RANBP2: variants seen among roughly 807,000 people sequenced by gnomAD.
RANBP2 encodes the protein E3 SUMO-protein ligase RanBP2.
A neutral mutation model predicts 303.6 loss-of-function variants in RANBP2; 57 were observed. The observed-to-expected ratio is 0.19, with a 90% CI of 0.15 to 0.23. RANBP2 has a LOEUF of 0.23. RANBP2 is among the 10% of genes least tolerant of loss of function. The pLI is 1.00. For synonymous variants in RANBP2, 1,167 were observed against 1,301.5 expected (o/e 0.90, Z 2.23); for missense variants, 3,138 against 3,780.8 (o/e 0.83, Z 4.46).
chr2:109,433,873 T>A, the RANBP2 span, among the ~76,000 whole-genome samples: 3 of 152,190 alleles, frequency 2.0e-5, no homozygotes, highest in African/African-American at 7.2e-5. Flanking sequence ...CAGAGGGGCT[T>A]CAGGAAATGC....
the RANBP2 span, among the ~76,000 whole-genome samples, chr2:109,499,877 T>TCCAG: frequency 1.1e-4 from 16 of 152,196 alleles, 1 homozygote; most frequent in South Asian, 3.3e-3. Flanking sequence ...GGGAATAGGG[T>TCCAG]CCAGGCTGAG....
At chr2:109,368,328 C>T in the RANBP2 span, among the ~76,000 whole-genome samples, 8 of 152,316 alleles carry the variant, frequency 5.3e-5, no homozygotes, top group East Asian at 1.9e-4. Flanking sequence ...CCTTGAAATA[C>T]ATTCCCCAGT....
chr2:109,719,405 A>G, the RANBP2 span, among the ~76,000 whole-genome samples: 8 of 94,858 alleles, frequency 8.4e-5, no homozygotes, highest in Non-Finnish European at 6.1e-5. Flanking sequence ...TGGCTGTGAT[A>G]TATCTTTTTT....
the RANBP2 span, chr2:108,846,759 T>C: frequency 6.2e-7 from 1 of 1,611,104 alleles, no homozygotes; most frequent in Non-Finnish European, 8.5e-7. Context: ...GACATCAACA[T>C]TGAGGAGATT....
the RANBP2 span, among the ~76,000 whole-genome samples, chr2:109,056,815 T>C: frequency 6.6e-6 from 1 of 152,216 alleles, no homozygotes; most frequent in African/African-American, 2.4e-5. Flanking sequence ...AGATAGCCCT[T>C]GGAAGCACTG....
the RANBP2 span, among the ~76,000 whole-genome samples, chr2:109,621,787 C>T: frequency 2.6e-4 from 39 of 152,150 alleles, no homozygotes; most frequent in South Asian, 7.7e-3. Context: ...GTGGTGGGCA[C>T]ATGTAATCCC....
chr2:109,249,565 TTCCTTCCTTCCTTCCTTC>T, the RANBP2 span, among the ~76,000 whole-genome samples: 14 of 139,172 alleles, frequency 1.0e-4, no homozygotes, highest in East Asian at 4.1e-4. Context: ...CCTTCCTTCC[TTCCTTCCTTCCTTCCTTC>T]CTTTCCTTTC....
At chr2:108,912,686 G>A in the RANBP2 span, 11 of 1,593,276 alleles carry the variant, frequency 6.9e-6, no homozygotes, top group Non-Finnish European at 9.4e-6. Flanking sequence ...ACCTTTGTGG[G>A]CGTGCTGGAA....
chr2:109,473,341 A>T, the RANBP2 span, among the ~76,000 whole-genome samples: 1 of 152,182 alleles, frequency 6.6e-6, no homozygotes, highest in African/African-American at 2.4e-5. Flanking sequence ...GTGGCTGGTT[A>T]CCAAGCACAA....
chr2:109,344,441 G>A, the RANBP2 span, among the ~76,000 whole-genome samples: 2 of 152,230 alleles, frequency 1.3e-5, no homozygotes, highest in Non-Finnish European at 2.9e-5. Context: ...TGAGGATGCT[G>A]TCTGCCGTGG....
the RANBP2 span, among the ~76,000 whole-genome samples, chr2:109,356,329 C>T: frequency 6.6e-6 from 1 of 152,132 alleles, no homozygotes; most frequent in African/African-American, 2.4e-5. Flanking sequence ...ATATTTGAGC[C>T]AGAAGAGATG....
At chr2:108,974,613 C>T in the RANBP2 span, among the ~76,000 whole-genome samples, 1 of 151,872 alleles carries the variant, frequency 6.6e-6, no homozygotes, top group Admixed American at 6.6e-5. Flanking sequence ...GCCTGTAATC[C>T]CAGCTACTTG....
At chr2:109,250,448 A>G in the RANBP2 span, among the ~76,000 whole-genome samples, 2 of 152,052 alleles carry the variant, frequency 1.3e-5, no homozygotes, top group South Asian at 2.1e-4. Context: ...AAATTTTGAT[A>G]TACTCGGAAA....
chr2:109,365,291 C>T, the RANBP2 span, among the ~76,000 whole-genome samples: 1 of 152,192 alleles, frequency 6.6e-6, no homozygotes, highest in Non-Finnish European at 1.5e-5. Flanking sequence ...AGTGACTGGG[C>T]CCCTGCAGTT....
the RANBP2 span, among the ~76,000 whole-genome samples, chr2:109,508,450 C>G: frequency 6.6e-6 from 1 of 152,138 alleles, no homozygotes. Flanking sequence ...GCCCTGGAAC[C>G]CCATGGCACT....
chr2:109,694,468 A>G, the RANBP2 span, among the ~76,000 whole-genome samples: 1 of 150,700 alleles, frequency 6.6e-6, no homozygotes, highest in Non-Finnish European at 1.5e-5. Context: ...CAGTGGCACA[A>G]TCTCGGCTCA....
chr2:109,289,211 A>G, the RANBP2 span, among the ~76,000 whole-genome samples: 1 of 152,082 alleles, frequency 6.6e-6, no homozygotes, highest in South Asian at 2.1e-4. Flanking sequence ...CTGTCATATG[A>G]CTTGGACTGC....
chr2:109,252,826 G>C, the RANBP2 span, among the ~76,000 whole-genome samples: 2 of 152,122 alleles, frequency 1.3e-5, no homozygotes, highest in Non-Finnish European at 2.9e-5. Flanking sequence ...ATACTGTCTT[G>C]AAAGTGAAAA....
chr2:109,677,811 G>A, the RANBP2 span, among the ~76,000 whole-genome samples: 942 of 152,310 alleles, frequency 6.2e-3, 9 homozygotes, highest in African/African-American at 0.022. Context: ...GTCAACTGTT[G>A]AGATGATACA....
Sources: allele counts gnomAD v4.1 joint callset (sites outside exome capture counted in the v4.1 genomes callset), GRCh38; gene constraint gnomAD v4.1.1; transcripts MANE v1.5; gene names NCBI Gene and HGNC (gene_info 2026-07-23, HGNC 2026-07-21).